The following CUBN variants were observed in gnomAD, a reference collection of about 807,000 sequenced individuals.
The protein encoded by CUBN is cubilin.
A neutral mutation model predicts 405.3 loss-of-function variants in CUBN; 282 were observed. The ratio of observed to expected loss-of-function variants is 0.70; its 90% CI spans 0.63 to 0.77. The LOEUF (loss-of-function observed/expected upper bound fraction) is 0.77. CUBN is among the 30% of genes least tolerant of loss of function. The pLI is 0.00. For synonymous variants in CUBN, 1,684 were observed against 1,617.0 expected (o/e 1.04, Z -0.99); for missense variants, 4,514 against 4,475.2 (o/e 1.01, Z -0.25).
chr10:17,048,191 T>C (rs977075740), intron 22 of CUBN, among the ~76,000 whole-genome samples: 15 of 152,228 alleles, frequency 9.9e-5, no homozygotes, highest in Non-Finnish European at 4.4e-5. Context: ...TGACTGAAGG[T>C]TTAAGAGTTA....
intron 56 of CUBN, among the ~76,000 whole-genome samples, chr10:16,886,891 C>A (rs571210614): frequency 6.6e-6 from 1 of 152,318 alleles, no homozygotes; most frequent in African/African-American, 2.4e-5. Flanking sequence ...TGGGTTCAAG[C>A]GATTCTCCTG....
chr10:16,988,122 C>G (rs1184998155), intron 29 of CUBN, among the ~76,000 whole-genome samples: 1 of 152,142 alleles, frequency 6.6e-6, no homozygotes, highest in East Asian at 1.9e-4. Flanking sequence ...CTACTTTCTC[C>G]CGTAATGGGT....
Position 17,104,431 on chromosome 10 carries a change from C to T in CUBN, c.1405G>A (p.Val469Ile), listed in dbSNP as rs780440368. Residue 469 changes from valine (V) to isoleucine (I), a missense_variant, in exon 12 of 67, where the codon GTT (valine) becomes ATT (isoleucine). Val to Ile is a conservative substitution (Grantham distance 29, BLOSUM62 3). Coordinates refer to ENST00000377833, the MANE Select transcript of CUBN (RefSeq NM_001081.4). ...TRLWTGALCQ[V>I]PQQVCGESLS... is the part of the protein sequence containing the mutation. The stretch of plus-strand genomic sequence containing the variant: ...ATGCTGACTGTACCTTGCTGAGGAA[C>T]CTGACAGAGAGCTCCAGTCCAGAGA... 2.5e-6 allele frequency: 4 copies of T among 1,613,982 alleles called. No homozygotes were observed. The highest frequency in any genetic ancestry group is 2.5e-6 in the Non-Finnish European group (3 of 1,179,950).
rs182341818 is a variant in CUBN at position 17,113,261 on chromosome 10, T to A, written c.883+766A>T. Among the ~76,000 whole-genome samples the A allele has an allele frequency of 9.9e-5, 15 of 152,256 alleles. 1 individual carries two copies. The highest frequency in any genetic ancestry group is 3.4e-3 in the Middle Eastern group (1 of 294). On this transcript the variant is annotated intron_variant, in intron 8 of 66. Transcript: ENST00000377833. The stretch of plus-strand genomic sequence containing the variant: ...GCCTGGGTGACAGGGAGAGACTCTG[T>A]CTCAAAACAACAACAACAAAACAAA...
chr10:17,120,324 C>A (rs1350169578), intron 6 of CUBN, among the ~76,000 whole-genome samples: 1 of 152,166 alleles, frequency 6.6e-6, no homozygotes, highest in African/African-American at 2.4e-5. Flanking sequence ...CTAACATATG[C>A]CTGAATTACG....
At chr10:16,874,230 C>T (rs1840439054) in intron 58 of CUBN, 144 bp downstream of exon 58, 4 of 896,056 alleles carry the variant, frequency 4.5e-6, no homozygotes, top group African/African-American at 1.6e-5. Flanking sequence ...CCAGGTTGAA[C>T]TGTCATCTAG....
At position 16,869,641 on chromosome 10, in the gene CUBN, G is replaced by A. The variant is rs1340947597; in HGVS notation, c.9449C>T (p.Thr3150Ile). 1.2e-6 allele frequency: 2 copies of A among 1,610,444 alleles called. No individual in the cohort carries two copies. Among genetic ancestry groups the A allele is most frequent in the Non-Finnish European group, 1.7e-6 (2 of 1,177,336 alleles). Residue 3150 changes from threonine (T) to isoleucine (I), a missense_variant, in exon 59 of 67, where the codon ACA (threonine) becomes ATA (isoleucine). By Grantham distance (89) the Thr-to-Ile change is moderately conservative (BLOSUM62 -1). This residue lies in a region of CUBN where 1,186 missense variants were observed against 1,186.9 expected (regional missense o/e 1.00). Coordinates refer to ENST00000377833, the MANE Select transcript of CUBN (RefSeq NM_001081.4). ...TACAAGTCCAGAATTCTTACCCAATGTCTGCCGGAAAGACATCTTCCAGCC... is the reference window on the plus strand; with the variant it reads ...TACAAGTCCAGAATTCTTACCCAATATCTGCCGGAAAGACATCTTCCAGCC... ...AKGWKMSFRQ[T>I]LGPQQGCGGY...
intron 21 of CUBN, among the ~76,000 whole-genome samples, chr10:17,066,911 G>A (rs1374903430): frequency 6.6e-6 from 1 of 151,988 alleles, no homozygotes; most frequent in Non-Finnish European, 1.5e-5. Flanking sequence ...TAAAACAATG[G>A]CTCTCAAAAC....
At chr10:17,079,235 C>CTT (rs34189586) in intron 17 of CUBN, among the ~76,000 whole-genome samples, 15,307 of 124,460 alleles carry the variant, frequency 0.12, 1,163 homozygotes, top group African/African-American at 0.14. Flanking sequence ...AATGCAAACT[C>CTT]TTTTTTTTTT....
chr10:16,974,527 C>A (rs1252379129), intron 31 of CUBN, among the ~76,000 whole-genome samples: 1 of 128,764 alleles, frequency 7.8e-6, no homozygotes, highest in African/African-American at 2.8e-5. Flanking sequence ...GAGTTCCCGC[C>A]ATGCCTGGCT....
Position 16,913,937 on chromosome 10 carries a change from C to A in CUBN, c.7407G>T (p.Pro2469=), listed in dbSNP as rs755551654. The A allele has an allele frequency of 1.2e-6, 2 of 1,613,876 alleles. No homozygotes were observed. Among genetic ancestry groups the A allele is most frequent in the South Asian group, 1.1e-5 (1 of 91,070 alleles). ...SIGTFTSPNY[P]NPNPHGRICE... is the part of the protein sequence containing the mutation. Reference sequence around the variant, plus strand: ...AGATCCGGCCATGAGGATTTGGGTTCGGGTAGTTGGGAGAAGTAAATGTTC... The same window carrying A: ...AGATCCGGCCATGAGGATTTGGGTTAGGGTAGTTGGGAGAAGTAAATGTTC... The change falls in exon 48 of 67, where the codon CCG becomes CCT. Residue 2469 remains proline, a synonymous_variant. Transcript: ENST00000377833.
At position 16,826,558 on chromosome 10, in the gene CUBN, G is replaced by T. The variant is rs1838789841; in HGVS notation, c.10765-1476C>A. Among the ~76,000 whole-genome samples, 4 of 151,830 alleles carry T rather than the reference G, an allele frequency of 2.6e-5. No individual in the cohort carries two copies. The South Asian group carries it at 8.3e-4, about 32-fold the overall frequency. On this transcript the variant is annotated intron_variant, in intron 66 of 66. Transcript: ENST00000377833. ...TGTTTAACATTGATAAAGTGTTAAA[G>T]AAATCAGTGGTACCTTTAAGAAAAA... is the stretch of plus-strand genomic sequence containing the variant.
rs569925506 is a variant in CUBN, at chr10:17,085,658, G to A, written c.2049C>T (p.His683=). ...CACTAATCTGGGAGTCTGAATGGAA[G>A]TGAATTCTGGCAAAGGGGCCAGTAG... ...LQTTGPFARI[H]FHSDSQISDQ... Residue 683 remains histidine, a synonymous_variant, in exon 16 of 67, where the codon CAC becomes CAT. Transcript: ENST00000377833. The A allele has an allele frequency of 1.9e-5, 31 of 1,614,132 alleles. No homozygotes were observed. In the South Asian group the frequency reaches 3.1e-4, roughly 16 times the overall value.
intron 14 of CUBN, among the ~76,000 whole-genome samples, chr10:17,097,093 A>T (rs578153284): frequency 1.3e-4 from 20 of 152,250 alleles, no homozygotes; most frequent in Admixed American, 4.6e-4. Context: ...GAAGAAAATG[A>T]TAAAACCATG....
intron 22 of CUBN, among the ~76,000 whole-genome samples, chr10:17,049,453 T>C (rs1265872339): frequency 1.3e-5 from 2 of 152,178 alleles, no homozygotes; most frequent in Non-Finnish European, 2.9e-5. Context: ...TGTGGGAGAA[T>C]GTTAAGTGTG....
chr10:17,109,018 G>C (rs1486558398), intron 10 of CUBN, among the ~76,000 whole-genome samples: 1 of 152,110 alleles, frequency 6.6e-6, no homozygotes, highest in Non-Finnish European at 1.5e-5. Flanking sequence ...AACTGACCAA[G>C]ATGAAAAATA....
chr10:16,916,818 C>CT (rs201355109), intron 45 of CUBN, among the ~76,000 whole-genome samples: 16,683 of 140,790 alleles, frequency 0.12, 1,119 homozygotes, highest in East Asian at 0.21. Flanking sequence ...CTTTTTCTTT[C>CT]TTTTTTTTTT....
chr10:16,876,053 T>G (rs538538470), intron 57 of CUBN, among the ~76,000 whole-genome samples: 1 of 152,320 alleles, frequency 6.6e-6, no homozygotes, highest in Non-Finnish European at 1.5e-5. Context: ...ATGGAGGGCC[T>G]TTTCAGAAGT....
At chr10:17,012,297 A>G (rs1344905483) in intron 28 of CUBN, among the ~76,000 whole-genome samples, 1 of 152,216 alleles carries the variant, frequency 6.6e-6, no homozygotes, top group East Asian at 1.9e-4. Flanking sequence ...GGTTGGTATA[A>G]GAGTTTGAAA....
Sources: allele counts gnomAD v4.1 joint callset (sites outside exome capture counted in the v4.1 genomes callset), GRCh38; gene constraint gnomAD v4.1.1; regional missense constraint gnomAD v4.1.1; transcripts MANE v1.5; gene names NCBI Gene and HGNC (gene_info 2026-07-23, HGNC 2026-07-21).